Variants in LYST observed in about 807,000 individuals in gnomAD.
The protein encoded by LYST is lysosomal-trafficking regulator.
LYST carries 192 observed loss-of-function variants against 413.6 expected under a neutral mutation model. That is an observed-to-expected ratio of 0.46 (90% CI 0.41 to 0.52). The LOEUF (loss-of-function observed/expected upper bound fraction) is 0.52, where lower values mean the gene tolerates loss of function less well. Among genes scored for constraint, LYST ranks in the 20% least tolerant of loss-of-function variants. LYST has a pLI of 0.00. For synonymous variants in LYST, 1,525 were observed against 1,567.3 expected (o/e 0.97, Z 0.64); for missense variants, 3,815 against 4,499.9 (o/e 0.85, Z 4.35).
At chr1:235,744,953 A>G (rs767305219) in intron 29 of LYST, among the ~76,000 whole-genome samples, 8 of 151,972 alleles carry the variant, frequency 5.3e-5, no homozygotes, top group Non-Finnish European at 7.4e-5. Flanking sequence ...AAAAATAATA[A>G]TAACTTGAGT....
rs117307343 is a variant in LYST, at chr1:235,718,876, T to C, written c.9560+1785A>G. Among the ~76,000 whole-genome samples, 240 of 152,336 alleles carry C rather than the reference T, an allele frequency of 1.6e-3. 6 individuals are homozygous for C. The East Asian group carries it at 0.038, about 24-fold the overall frequency. On this transcript the variant is annotated intron_variant, in intron 40 of 52. Coordinates refer to ENST00000389793, the MANE Select transcript of LYST (RefSeq NM_000081.4). ...TGAATTTTGTTTCACTGTGTTTCCT[T>C]GGCCTTTTAAAAAGTATCACTATGA...
chr1:235,786,634 G>C (rs1670440871), intron 14 of LYST, among the ~76,000 whole-genome samples: 1 of 151,960 alleles, frequency 6.6e-6, no homozygotes, highest in South Asian at 2.1e-4. Context: ...CAATAGCAAA[G>C]ACTTGGAACC....
At chr1:235,858,585 C>A (rs575736591) in intron 1 of LYST, among the ~76,000 whole-genome samples, 4 of 152,242 alleles carry the variant, frequency 2.6e-5, no homozygotes, top group African/African-American at 9.6e-5. Context: ...CATTTAGATT[C>A]TTCATCCTCT....
chr1:235,740,665 C>T (rs1375633796), intron 31 of LYST, among the ~76,000 whole-genome samples: 2 of 152,198 alleles, frequency 1.3e-5, no homozygotes, highest in Admixed American at 6.5e-5. Flanking sequence ...TTTCTCTCTA[C>T]AGGTATAAAG....
chr1:235,794,516 C>T (rs1671354407), intron 10 of LYST, among the ~76,000 whole-genome samples: 1 of 152,104 alleles, frequency 6.6e-6, no homozygotes, highest in Non-Finnish European at 1.5e-5. Flanking sequence ...TGCTTTATTT[C>T]AGCTGATCCT....
intron 44 of LYST, among the ~76,000 whole-genome samples, chr1:235,708,527 C>A (rs951511669): frequency 6.6e-6 from 1 of 152,154 alleles, no homozygotes; most frequent in African/African-American, 2.4e-5. Context: ...CTAAACTGTA[C>A]AAACAATGCA....
At chr1:235,688,269 G>A (rs76177374) in intron 47 of LYST, among the ~76,000 whole-genome samples, 3,694 of 152,160 alleles carry the variant, frequency 0.024, 141 homozygotes, top group African/African-American at 0.084. Context: ...AACATTTAGC[G>A]ATTTCATCAT....
At chr1:235,670,610 C>T (rs1346955493) in intron 50 of LYST, among the ~76,000 whole-genome samples, 1 of 152,174 alleles carries the variant, frequency 6.6e-6, no homozygotes, top group South Asian at 2.1e-4. Flanking sequence ...AAAAGGCCTA[C>T]AGATGCCATG....
intron 3 of LYST, among the ~76,000 whole-genome samples, chr1:235,822,639 T>C (rs889904996): frequency 2.0e-5 from 3 of 152,156 alleles, no homozygotes; most frequent in East Asian, 1.9e-4. Context: ...GGAGGAATAA[T>C]AATAATTTTG....
At chr1:235,856,097 C>G (rs953320087) in intron 1 of LYST, among the ~76,000 whole-genome samples, 1 of 152,108 alleles carries the variant, frequency 6.6e-6, no homozygotes, top group Non-Finnish European at 1.5e-5. Context: ...ATTCCACCCA[C>G]ATAATTTTTT....
chr1:235,708,377 G>A (rs879485633), intron 44 of LYST, among the ~76,000 whole-genome samples: 7 of 152,092 alleles, frequency 4.6e-5, no homozygotes, highest in African/African-American at 1.2e-4. Context: ...GATAGTGTGC[G>A]GAAAAGAGTT....
intron 10 of LYST, among the ~76,000 whole-genome samples, chr1:235,795,752 T>C (rs866060629): frequency 6.6e-6 from 1 of 152,014 alleles, no homozygotes; most frequent in Non-Finnish European, 1.5e-5. Context: ...TTTTATTAAA[T>C]ATAAATGGTC....
At chr1:235,835,113 C>T (rs1229990216) in intron 1 of LYST, among the ~76,000 whole-genome samples, 1 of 149,768 alleles carries the variant, frequency 6.7e-6, no homozygotes. Context: ...GGGGGGGTTT[C>T]GCCACATTGG....
chr1:235,805,994 T>A lies in LYST; in HGVS notation c.3142A>T (p.Ile1048Leu). The A allele has an allele frequency of 6.2e-7, 1 of 1,613,890 alleles. No individual in the cohort carries two copies. The highest frequency in any genetic ancestry group is 1.1e-5 in the South Asian group (1 of 91,080). ...TTTAGACTACCTAGTTCTGATGGTA[T>A]GGGGTCACTTTTTATAGCCAAAGAT... The part of the protein sequence containing the change: ...LLSLAIKSDP[I>L]PSELGSLKKS... The change falls in exon 6 of 53, where the codon ATA (isoleucine) becomes TTA (leucine). Residue 1048 changes from isoleucine (I) to leucine (L), a missense_variant. Transcript: ENST00000389793.
chr1:235,865,324 CTGCCCTCCCTCTTCCG>C (rs374540616), intron 1 of LYST, among the ~76,000 whole-genome samples: 9,191 of 151,982 alleles, frequency 0.06, 915 homozygotes, highest in African/African-American at 0.21. Context: ...TCCCTCTTCC[CTGCCCTCCCTCTTCCG>C]TGCTTTTTCT....
intron 1 of LYST, among the ~76,000 whole-genome samples, chr1:235,851,678 T>C (rs1678560968): frequency 6.6e-6 from 1 of 151,970 alleles, no homozygotes. Flanking sequence ...ATAAAAACCT[T>C]TATAATCTAT....
At chr1:235,775,806 A>C (rs1197574083) in intron 17 of LYST, among the ~76,000 whole-genome samples, 1 of 152,138 alleles carries the variant, frequency 6.6e-6, no homozygotes, top group African/African-American at 2.4e-5. Flanking sequence ...AGGAAGCTGC[A>C]GGTTGCCTCT....
intron 31 of LYST, chr1:235,737,937 TGC>T: frequency 8.4e-7 from 1 of 1,191,966 alleles, no homozygotes; most frequent in Non-Finnish European, 1.0e-6. Context: ...CACTGCCGCG[TGC>T]CCCAACACCC....
intron 1 of LYST, among the ~76,000 whole-genome samples, chr1:235,866,265 T>A (rs1680495435): frequency 6.6e-6 from 1 of 152,030 alleles, no homozygotes; most frequent in Admixed American, 6.6e-5. Context: ...AAAGAGAGGC[T>A]CTCGCCCAGT....
Sources: gnomAD v4.1 joint callset for allele counts (sites outside exome capture counted in the v4.1 genomes callset) on GRCh38, gnomAD v4.1.1 for gene constraint, MANE v1.5 for transcripts, NCBI Gene and HGNC (gene_info 2026-07-23, HGNC 2026-07-21) for gene names.